ASH1L: variants seen among roughly 807,000 people sequenced by gnomAD.
ASH1L encodes ASH1 like histone lysine methyltransferase, also known as histone-lysine N-methyltransferase ASH1L.
Under a neutral mutation model 269.0 loss-of-function variants are expected in ASH1L, and 23 were observed. That is an observed-to-expected ratio of 0.09 (90% CI 0.06 to 0.12). The LOEUF (loss-of-function observed/expected upper bound fraction) is 0.12, where lower values mean the gene tolerates loss of function less well. Ranked by LOEUF, ASH1L falls within the 10% of genes least tolerant of loss-of-function variation. The pLI is 1.00. For missense variants in ASH1L, 2,912 were observed against 3,567.8 expected, an observed-to-expected ratio of 0.82 and a Z score of 4.68; for synonymous variants, 1,187 against 1,253.5, an observed-to-expected ratio of 0.95 and a Z score of 1.12.
chr1:155,484,981 C>A (rs1445927648), intron 2 of ASH1L, among the ~76,000 whole-genome samples: 1 of 144,100 alleles, frequency 6.9e-6, no homozygotes, highest in Non-Finnish European at 1.5e-5. Flanking sequence ...ACCAACCACC[C>A]GGTGCAGTGG....
At position 155,478,528 on chromosome 1, in the gene ASH1L, G is replaced by A. The variant is rs773910429; in HGVS notation, c.4342C>T (p.Arg1448Ter). 1 of 1,614,132 alleles carries A rather than the reference G, an allele frequency of 6.2e-7. No homozygotes were observed. ...CTGGTTGTAAGAAAGGCCTCCTGTCGAAGTAGCTTATGCTTTTTCTTATGG... is the reference window on the plus strand; with the variant it reads ...CTGGTTGTAAGAAAGGCCTCCTGTCAAAGTAGCTTATGCTTTTTCTTATGG... Reference protein sequence around the residue: ...KYHKKKHKLLRQEAFLTTSRT... With the variant: ...KYHKKKHKLL Residue 1448 changes from arginine (R) to a stop codon, truncating the protein, a stop_gained, in exon 3 of 28, where the codon CGA becomes TGA. Coordinates refer to ENST00000392403, the MANE Select transcript of ASH1L (RefSeq NM_018489.3). LOFTEE classifies it high-confidence loss of function. This position sits in a 1 kb window ranked among gnomAD's most constrained non-coding sequence, Gnocchi z 4.6.
chr1:155,515,423 T>G (rs61812096), intron 2 of ASH1L, among the ~76,000 whole-genome samples: 2 of 152,204 alleles, frequency 1.3e-5, no homozygotes, highest in South Asian at 4.1e-4. Context: ...GCACAGATTT[T>G]TATGCTACAG....
intron 2 of ASH1L, among the ~76,000 whole-genome samples, chr1:155,505,037 C>CA (rs1289592633): frequency 1.3e-5 from 2 of 152,030 alleles, no homozygotes; most frequent in South Asian, 2.1e-4. Context: ...AACAAACAAA[C>CA]AAAAAACCAA....
chr1:155,493,230 C>G (rs919936708), intron 2 of ASH1L, among the ~76,000 whole-genome samples: 1 of 152,118 alleles, frequency 6.6e-6, no homozygotes, highest in East Asian at 1.9e-4. Flanking sequence ...TTTTTCCATA[C>G]GTATACTTCC....
At chr1:155,536,010 A>G (rs1469472103) in intron 1 of ASH1L, among the ~76,000 whole-genome samples, 1 of 152,130 alleles carries the variant, frequency 6.6e-6, no homozygotes, top group Non-Finnish European at 1.5e-5. Flanking sequence ...AGAAAAAAAA[A>G]AAAAAGAAAA....
chr1:155,554,881 C>T (rs1040334800), intron 1 of ASH1L, among the ~76,000 whole-genome samples: 11 of 152,036 alleles, frequency 7.2e-5, no homozygotes, highest in Non-Finnish European at 1.5e-5. Flanking sequence ...GTGGCTCACA[C>T]CTGTAATCGC....
intron 2 of ASH1L, chr1:155,520,257 CAGGAGAAT>C (rs1668785450): frequency 6.9e-6 from 1 of 145,254 alleles, no homozygotes; most frequent in African/African-American, 2.6e-5. Context: ...GGGGCTGAGG[CAGGAGAAT>C]AGGAGAATCG....
chr1:155,489,794 C>CT (rs1558160596), intron 2 of ASH1L, among the ~76,000 whole-genome samples: 1,102 of 42,754 alleles, frequency 0.026, 18 homozygotes, highest in African/African-American at 0.062. Flanking sequence ...GACACTGTCT[C>CT]AAAATAAATA....
At chr1:155,472,800 T>A (rs1260563641) in intron 3 of ASH1L, among the ~76,000 whole-genome samples, 2 of 152,200 alleles carry the variant, frequency 1.3e-5, no homozygotes, top group Admixed American at 1.3e-4. Flanking sequence ...CTACATTTTT[T>A]AATATGAGCA....
Position 155,453,998 on chromosome 1 carries a change from G to A in ASH1L, c.5086+5799C>T, listed in dbSNP as rs1037052653. Among the ~76,000 whole-genome samples the A allele has an allele frequency of 2.0e-5, 3 of 152,082 alleles. No homozygotes were observed. In the South Asian group the frequency reaches 6.2e-4, roughly 32 times the overall value. ...CAGGCGCCCGTAGTCCCAGCTACTC[G>A]GGAAGCTGAGGCAGGAGAATGGCAT... is the stretch of plus-strand genomic sequence containing the variant. On this transcript the variant is annotated intron_variant, in intron 4 of 27. Coordinates refer to ENST00000392403, the MANE Select transcript of ASH1L (RefSeq NM_018489.3).
In ASH1L at chr1:155,343,524, TG is replaced by T; in HGVS notation, c.8121-39del. Reference sequence around the variant, plus strand: ...AAAAGTGAGAAGGGAGAGGTTTAGCTGATTAGCAAGATCCTAGTGAACATTC... The same window carrying T: ...AAAAGTGAGAAGGGAGAGGTTTAGCTATTAGCAAGATCCTAGTGAACATTC... On this transcript the variant is annotated intron_variant, in intron 23 of 27. Coordinates refer to ENST00000392403, the MANE Select transcript of ASH1L (RefSeq NM_018489.3). The surrounding 1 kb of genome is among the most constrained non-coding windows in gnomAD (Gnocchi z 6.1). The T allele has an allele frequency of 6.2e-7, 1 of 1,612,370 alleles. No homozygotes were observed. The highest frequency in any genetic ancestry group is 1.3e-5 in the African/African-American group (1 of 75,040).
In ASH1L at chr1:155,478,753, G is replaced by C. The variant is rs1244609421; in HGVS notation, c.4117C>G (p.Leu1373Val). 2 of 1,614,102 alleles carry C rather than the reference G, an allele frequency of 1.2e-6. No homozygotes were observed. Among genetic ancestry groups the C allele is most frequent in the Admixed American group, 3.3e-5 (2 of 60,008 alleles). ...MPFMHSLSFPLSSTGFYPSYG... is the reference protein window; with the variant it reads ...MPFMHSLSFPVSSTGFYPSYG... ...GATGGATAGAATCCAGTACTAGAAA[G>C]AGGAAAACTAAGGCTGTGCATAAAA... The change falls in exon 3 of 28, where the codon CTT (leucine) becomes GTT (valine). Residue 1373 changes from leucine to valine, a missense_variant. Around this residue, in one of 13 missense-constraint regions of ASH1L, gnomAD observed 789 missense variants for 897.6 expected, o/e 0.88. Transcript: ENST00000392403. This position sits in a 1 kb window ranked among gnomAD's most constrained non-coding sequence, Gnocchi z 4.6.
chr1:155,496,315 T>A (rs1248882923), intron 2 of ASH1L, among the ~76,000 whole-genome samples: 1 of 152,234 alleles, frequency 6.6e-6, no homozygotes, highest in Non-Finnish European at 1.5e-5. Flanking sequence ...TATACTCTTA[T>A]GGGACCACCA....
chr1:155,552,285 G>A (rs2148913412), intron 1 of ASH1L, among the ~76,000 whole-genome samples: 1 of 152,184 alleles, frequency 6.6e-6, no homozygotes, highest in East Asian at 1.9e-4. Flanking sequence ...GGCCAACATG[G>A]TGAAACCCCG....
At chr1:155,458,089 G>A (rs1200870894) in intron 4 of ASH1L, among the ~76,000 whole-genome samples, 2 of 152,092 alleles carry the variant, frequency 1.3e-5, no homozygotes, top group Non-Finnish European at 1.5e-5. Flanking sequence ...TCCTTACCCT[G>A]GTCTAGGTAA....
Position 155,508,692 on chromosome 1 carries a change from T to C in ASH1L, c.420+12408A>G, listed in dbSNP as rs144553112. On this transcript the variant is annotated intron_variant, in intron 2 of 27. Coordinates refer to ENST00000392403, the MANE Select transcript of ASH1L (RefSeq NM_018489.3). ...TATTTCTTATAAAACAATCAGGGGC[T>C]TTCTACTTAGAGCAATATGCTACGC... Among the ~76,000 whole-genome samples, 16 of 152,290 alleles carry C rather than the reference T, an allele frequency of 1.1e-4. No homozygotes were observed. In the East Asian group the frequency reaches 2.3e-3, roughly 22 times the overall value.
At chr1:155,562,987 G>T (rs1429409952), upstream of ASH1L, 4 of 457,938 alleles carry the variant, frequency 8.7e-6, no homozygotes, top group Admixed American at 2.4e-5. Context: ...GCAGGGGCAG[G>T]AGAGGAAGGG....
intron 5 of ASH1L, among the ~76,000 whole-genome samples, chr1:155,420,385 CAAAA>C (rs1386590001): frequency 7.5e-4 from 93 of 123,586 alleles, no homozygotes; most frequent in African/African-American, 2.7e-3. Flanking sequence ...AAAACAAAAA[CAAAA>C]AAACAAGAAA....
chr1:155,395,619 G>A (rs1358930597), intron 6 of ASH1L, 66 bp from the exon 7 acceptor site: 2 of 1,120,342 alleles, frequency 1.8e-6, no homozygotes, highest in East Asian at 4.9e-5. Context: ...GTCAAATACA[G>A]ATAACAGATC....
Sources: gnomAD v4.1 joint callset for allele counts (sites outside exome capture counted in the v4.1 genomes callset) on GRCh38, gnomAD v4.1.1 for gene constraint, gnomAD v4.1.1 regional missense constraint, Gnocchi (gnomAD v3.1) non-coding constraint, MANE v1.5 for transcripts, NCBI Gene and HGNC (gene_info 2026-07-23, HGNC 2026-07-21) for gene names.